Variants in SLC13A1 observed in about 807,000 individuals in gnomAD.
The protein encoded by SLC13A1 is Na(+)/sulfate cotransporter.
A neutral mutation model predicts 70.0 loss-of-function variants in SLC13A1; 65 were observed. The ratio of observed to expected loss-of-function variants is 0.93; its 90% CI spans 0.76 to 1.14. The LOEUF (loss-of-function observed/expected upper bound fraction) is 1.14. Ranked by LOEUF, SLC13A1 falls within the 50% of genes most tolerant of loss-of-function variation. The pLI, the probability that SLC13A1 is intolerant of heterozygous loss-of-function variation, is 0.00. For missense variants in SLC13A1, 726 were observed against 717.8 expected, an observed-to-expected ratio of 1.01 and a Z score of -0.13; for synonymous variants, 275 against 250.5, an observed-to-expected ratio of 1.10 and a Z score of -0.92.
At position 123,129,363 on chromosome 7, in the gene SLC13A1, TGTGTGTGTG is replaced by T; in HGVS notation, c.1031+11_1031+19del. On this transcript the variant is annotated intron_variant, in intron 9 of 14. Coordinates refer to ENST00000194130, the MANE Select transcript of SLC13A1 (RefSeq NM_022444.4). ...GTGTGTGTGTGTGTGTGTGTGTGTG[TGTGTGTGTG>T]TTTGTCTTACCTTATTGGCCCAAGC... 5 of 1,218,430 alleles carry T rather than the reference TGTGTGTGTG, an allele frequency of 4.1e-6. No individual in the cohort carries two copies. Among genetic ancestry groups the T allele is most frequent in the Non-Finnish European group, 5.9e-6 (5 of 848,682 alleles). The allele number at this position is 1,218,430 out of a possible 1,614,324, so 75.5% of individuals were successfully genotyped here. A position where few individuals can be genotyped will look rare whatever the true frequency, so the allele number is the denominator to read the frequency against.
intron 1 of SLC13A1, 138 bp downstream of exon 1, chr7:123,199,710 T>C (rs936891611): frequency 1.3e-5 from 8 of 624,108 alleles, no homozygotes; most frequent in Middle Eastern, 2.6e-4. Context: ...AAACATCATG[T>C]ACAACCATCC....
At chr7:123,118,443 T>A (rs1793254437) in intron 13 of SLC13A1, among the ~76,000 whole-genome samples, 1 of 152,156 alleles carries the variant, frequency 6.6e-6, no homozygotes, top group African/African-American at 2.4e-5. Context: ...CTTCTTAAAG[T>A]GCTTTCCTTT....
intron 10 of SLC13A1, 47 bp from the exon 11 acceptor site, chr7:123,125,722 A>C: frequency 7.2e-7 from 1 of 1,384,348 alleles, no homozygotes. Context: ...TCAAGAACTT[A>C]AATGAGCTAA....
intron 6 of SLC13A1, among the ~76,000 whole-genome samples, chr7:123,165,496 A>G (rs546137483): frequency 3.9e-5 from 6 of 152,278 alleles, no homozygotes; most frequent in South Asian, 2.1e-4. Flanking sequence ...CAGTGGAGGC[A>G]TCTCCTACAT....
chr7:123,153,273 C>T (rs982101635), intron 6 of SLC13A1, among the ~76,000 whole-genome samples: 1 of 151,992 alleles, frequency 6.6e-6, no homozygotes, highest in Non-Finnish European at 1.5e-5. Flanking sequence ...ATTGCTACTG[C>T]ACATGAGCTG....
chr7:123,147,537 C>CCT (rs112153839), intron 6 of SLC13A1, among the ~76,000 whole-genome samples: 47,242 of 147,730 alleles, frequency 0.32, 7,581 homozygotes, highest in African/African-American at 0.42. Flanking sequence ...GAGCTTGATT[C>CCT]CTCTCTCTCT....
chr7:123,151,433 C>T (rs1794552414), intron 6 of SLC13A1, among the ~76,000 whole-genome samples: 1 of 150,208 alleles, frequency 6.7e-6, no homozygotes, highest in Non-Finnish European at 1.5e-5. Context: ...AATAAAACTC[C>T]AATCTGAAAA....
chr7:123,137,797 G>A (rs567551079), intron 7 of SLC13A1, among the ~76,000 whole-genome samples: 1 of 152,040 alleles, frequency 6.6e-6, no homozygotes, highest in African/African-American at 2.4e-5. Context: ...TGGGTACATA[G>A]TTGGTGTATA....
intron 11 of SLC13A1, among the ~76,000 whole-genome samples, chr7:123,123,635 T>G (rs1254254295): frequency 6.6e-6 from 1 of 152,302 alleles, no homozygotes; most frequent in East Asian, 1.9e-4. Flanking sequence ...TTGGTTCCAA[T>G]AGCATCTTGT....
chr7:123,129,745 T>C (rs1455831523), intron 8 of SLC13A1, among the ~76,000 whole-genome samples: 1 of 152,194 alleles, frequency 6.6e-6, no homozygotes, highest in Non-Finnish European at 1.5e-5. Flanking sequence ...CATGACATCC[T>C]TTACCAATCT....
intron 6 of SLC13A1, among the ~76,000 whole-genome samples, chr7:123,166,413 C>A (rs1370978943): frequency 3.3e-5 from 5 of 151,508 alleles, no homozygotes; most frequent in Non-Finnish European, 5.9e-5. Flanking sequence ...TTTTATTATA[C>A]TTTAAGTTTT....
chr7:123,155,698 T>C (rs927449012), intron 6 of SLC13A1, among the ~76,000 whole-genome samples: 11 of 152,140 alleles, frequency 7.2e-5, no homozygotes, highest in Non-Finnish European at 1.3e-4. Flanking sequence ...TAATGTCATC[T>C]GACTTGGCCT....
chr7:123,143,772 A>G (rs140452981), intron 7 of SLC13A1, among the ~76,000 whole-genome samples: 1 of 152,260 alleles, frequency 6.6e-6, no homozygotes, highest in East Asian at 1.9e-4. Context: ...TGCACGGGGT[A>G]CTATCCATGG....
intron 7 of SLC13A1, among the ~76,000 whole-genome samples, chr7:123,145,937 T>C (rs73447941): frequency 6.6e-6 from 1 of 152,112 alleles, no homozygotes; most frequent in Non-Finnish European, 1.5e-5. Context: ...CAGAGAGTAG[T>C]TTTCCTGCCT....
chr7:123,153,396 G>A (rs1321372601), intron 6 of SLC13A1, among the ~76,000 whole-genome samples: 5 of 152,066 alleles, frequency 3.3e-5, no homozygotes, highest in Non-Finnish European at 7.4e-5. Flanking sequence ...GTTAAGAGGA[G>A]GAGTTTTTGA....
chr7:123,157,363 G>A (rs1234518185), intron 6 of SLC13A1, among the ~76,000 whole-genome samples: 1 of 152,074 alleles, frequency 6.6e-6, no homozygotes, highest in Admixed American at 6.6e-5. Context: ...ATTTGGATAT[G>A]TTTATAAAGT....
Position 123,123,173 on chromosome 7 carries a change from T to C in SLC13A1, c.1303A>G (p.Ile435Val), listed in dbSNP as rs755358620. ...KEFQSFMPWDIAILVGGGFAL... is the reference protein window; with the variant it reads ...KEFQSFMPWDVAILVGGGFAL... ...AACCCTCCACCAACAAGAATGGCTA[T>C]ATCCCAGGGCATGAATGACTGGAAT... The change falls in exon 12 of 15, where the codon ATA becomes GTA. Residue 435 changes from isoleucine to valine, a missense_variant. Coordinates refer to ENST00000194130, the MANE Select transcript of SLC13A1 (RefSeq NM_022444.4). 31 of 1,613,534 alleles carry C rather than the reference T, an allele frequency of 1.9e-5. No individual in the cohort carries two copies. Among genetic ancestry groups the C allele is most frequent in the Non-Finnish European group, 2.5e-5 (30 of 1,179,648 alleles).
At chr7:123,131,425 A>G (rs1793755322) in intron 8 of SLC13A1, among the ~76,000 whole-genome samples, 1 of 152,184 alleles carries the variant, frequency 6.6e-6, no homozygotes, top group African/African-American at 2.4e-5. Flanking sequence ...CAGACAATAA[A>G]TAGTTAAGTC....
chr7:123,144,811 C>T (rs1794295075), intron 7 of SLC13A1, among the ~76,000 whole-genome samples: 1 of 152,052 alleles, frequency 6.6e-6, no homozygotes, highest in Admixed American at 6.6e-5. Flanking sequence ...AACTTATGCC[C>T]CACTGCAAAA....
Sources: allele counts gnomAD v4.1 joint callset (sites outside exome capture counted in the v4.1 genomes callset), GRCh38; gene constraint gnomAD v4.1.1; transcripts MANE v1.5; gene names NCBI Gene and HGNC (gene_info 2026-07-23, HGNC 2026-07-21).